Variants in PTPRD observed in about 807,000 individuals in gnomAD.
PTPRD encodes the protein receptor-type tyrosine-protein phosphatase delta.
In PTPRD, 34 loss-of-function variants were observed where a neutral mutation model predicts 214.5. The ratio of observed to expected loss-of-function variants is 0.16; its 90% CI spans 0.12 to 0.21. The LOEUF (loss-of-function observed/expected upper bound fraction) is 0.21. Ranked by LOEUF, PTPRD falls within the 10% of genes least tolerant of loss-of-function variation. The pLI is 1.00. For synonymous variants in PTPRD, 1,128 were observed against 845.7 expected (o/e 1.33, Z -5.79); for missense variants, 2,545 against 2,398.7 (o/e 1.06, Z -1.27).
chr9:8,806,926 G>C (rs1258921101), intron 11 of PTPRD, among the ~76,000 whole-genome samples: 2 of 152,136 alleles, frequency 1.3e-5, no homozygotes, highest in Non-Finnish European at 2.9e-5. Flanking sequence ...ACCTAATTCT[G>C]TCATAGGAGT....
In PTPRD at chr9:9,043,923, AT is replaced by A. The variant is rs1439111684; in HGVS notation, c.-142-25189del. Among the ~76,000 whole-genome samples the A allele has an allele frequency of 8.9e-3, 819 of 91,538 alleles. 7 individuals carry two copies. The highest frequency in any genetic ancestry group is 0.012 in the Non-Finnish European group (501 of 42,232). 60.1% of individuals were successfully genotyped at this position (91,538 alleles called of 152,430 possible). A position where few individuals can be genotyped will look rare whatever the true frequency, so the allele number is the denominator to read the frequency against. ...TGTCTCAAAAATAAAATAAAATAAA[AT>A]AAAATAAAATAAAATAAAATAAAAT... On this transcript the variant is annotated intron_variant, in intron 10 of 45. Transcript: ENST00000381196.
At chr9:8,773,540 T>C (rs1007341735) in intron 11 of PTPRD, among the ~76,000 whole-genome samples, 1 of 152,174 alleles carries the variant, frequency 6.6e-6, no homozygotes, top group African/African-American at 2.4e-5. Context: ...TATGGCTTGT[T>C]TCACACAGGA....
chr9:8,862,866 C>T (rs2154546027), intron 11 of PTPRD, among the ~76,000 whole-genome samples: 1 of 150,272 alleles, frequency 6.7e-6, no homozygotes, highest in East Asian at 2.0e-4. Flanking sequence ...GGGAATTGAA[C>T]AGTGAGATCA....
chr9:8,912,605 A>G (rs1463064697), intron 11 of PTPRD, among the ~76,000 whole-genome samples: 1 of 152,174 alleles, frequency 6.6e-6, no homozygotes, highest in Non-Finnish European at 1.5e-5. Context: ...GTACACTTAT[A>G]ATGGTTAGAT....
chr9:9,345,547 A>T (rs886567651), intron 9 of PTPRD, among the ~76,000 whole-genome samples: 1 of 152,254 alleles, frequency 6.6e-6, no homozygotes, highest in East Asian at 1.9e-4. Context: ...ATATTTTTTT[A>T]AAGTGCTTTC....
chr9:9,869,267 G>A (rs1156251555), intron 5 of PTPRD, among the ~76,000 whole-genome samples: 1 of 152,152 alleles, frequency 6.6e-6, no homozygotes, highest in Non-Finnish European at 1.5e-5. Context: ...CTTTATGGAA[G>A]TCTTGCTAAC....
At chr9:10,059,638 T>A (rs1417232030) in intron 3 of PTPRD, among the ~76,000 whole-genome samples, 2 of 152,116 alleles carry the variant, frequency 1.3e-5, no homozygotes, top group Non-Finnish European at 2.9e-5. Flanking sequence ...TTTTCTCTAT[T>A]TCTTTTTCTC....
At chr9:10,228,059 T>A (rs952050234) in intron 3 of PTPRD, among the ~76,000 whole-genome samples, 4 of 151,914 alleles carry the variant, frequency 2.6e-5, no homozygotes, top group African/African-American at 9.7e-5. Flanking sequence ...TTTAGGCCCA[T>A]TATGATTAAA....
chr9:10,179,460 T>C lies in PTPRD; in HGVS notation c.-544-145670A>G, dbSNP rs551671573. 5.9e-5 allele frequency among the ~76,000 whole-genome samples: 9 copies of C among 152,160 alleles called. No homozygotes were observed. The East Asian group carries it at 1.4e-3, about 23-fold the overall frequency. ...TTGTCTAAATGAACAATAGTAATGA[T>C]AAAATATAGTCCTAAATGTCCAGAA... On this transcript the variant is annotated intron_variant, in intron 3 of 45. Transcript: ENST00000381196.
At chr9:8,348,081 T>G (rs567590314) in intron 39 of PTPRD, among the ~76,000 whole-genome samples, 7 of 152,286 alleles carry the variant, frequency 4.6e-5, no homozygotes, top group Admixed American at 1.3e-4. Flanking sequence ...ATAGCACATT[T>G]GAATAACTAA....
chr9:10,607,828 G>C (rs2079865693), intron 2 of PTPRD, among the ~76,000 whole-genome samples: 1 of 151,838 alleles, frequency 6.6e-6, no homozygotes, highest in Non-Finnish European at 1.5e-5. Context: ...TTCCATGATT[G>C]GAAGTTTTGT....
At position 9,950,959 on chromosome 9, in the gene PTPRD, C is replaced by A. The variant is rs576993027; in HGVS notation, c.-471-12349G>T. Among the ~76,000 whole-genome samples the A allele has an allele frequency of 1.4e-4, 22 of 152,186 alleles. No homozygotes were observed. In the South Asian group the frequency reaches 3.9e-3, roughly 27 times the overall value. The stretch of plus-strand genomic sequence containing the variant: ...TGAAATCAGGCATAGCAGCAGAAAG[C>A]TGACTCTAAGAATAGAATTTGGGGG... On this transcript the variant is annotated intron_variant, in intron 4 of 45. Coordinates refer to ENST00000381196, the MANE Select transcript of PTPRD (RefSeq NM_002839.4).
intron 11 of PTPRD, among the ~76,000 whole-genome samples, chr9:8,749,263 T>C (rs2093265039): frequency 6.6e-6 from 1 of 152,062 alleles, no homozygotes; most frequent in African/African-American, 2.4e-5. Context: ...CTCCCAGCAA[T>C]TTCCGCCTCC....
At chr9:9,097,635 C>CT (rs1481185097) in intron 10 of PTPRD, among the ~76,000 whole-genome samples, 11 of 151,980 alleles carry the variant, frequency 7.2e-5, no homozygotes, top group Non-Finnish European at 4.4e-5. Flanking sequence ...TGGTCTCAAT[C>CT]TCTTGACCTC....
At chr9:9,624,737 C>T (rs1347660485) in intron 7 of PTPRD, among the ~76,000 whole-genome samples, 1 of 151,732 alleles carries the variant, frequency 6.6e-6, no homozygotes, top group African/African-American at 2.4e-5. Flanking sequence ...CAAACAGATG[C>T]AGATCTGGGG....
chr9:8,830,791 G>T (rs144984742), intron 11 of PTPRD, among the ~76,000 whole-genome samples: 10 of 152,090 alleles, frequency 6.6e-5, no homozygotes, highest in African/African-American at 2.4e-4. Flanking sequence ...TGGGGAAAGG[G>T]CATACGTGAT....
chr9:9,456,595 G>C (rs1241935612), intron 8 of PTPRD, among the ~76,000 whole-genome samples: 4 of 151,734 alleles, frequency 2.6e-5, no homozygotes, highest in African/African-American at 4.8e-5. Context: ...GTCACTATTA[G>C]CCTCTAACTA....
chr9:10,447,940 T>C (rs1476621694), intron 2 of PTPRD, among the ~76,000 whole-genome samples: 1 of 152,032 alleles, frequency 6.6e-6, no homozygotes, highest in East Asian at 1.9e-4. Context: ...AGAATAATCA[T>C]ACTGTCTAAC....
At chr9:9,530,389 G>A (rs894262877) in intron 8 of PTPRD, among the ~76,000 whole-genome samples, 6 of 152,088 alleles carry the variant, frequency 3.9e-5, no homozygotes, top group Non-Finnish European at 7.4e-5. Flanking sequence ...AACACATAGA[G>A]GAAATGGATA....
Sources: gnomAD v4.1 joint callset for allele counts (sites outside exome capture counted in the v4.1 genomes callset) on GRCh38, gnomAD v4.1.1 for gene constraint, MANE v1.5 for transcripts, NCBI Gene and HGNC (gene_info 2026-07-23, HGNC 2026-07-21) for gene names.